Variants in FOXO1 observed in about 807,000 individuals in gnomAD.
The protein encoded by FOXO1 is forkhead box O1.
FOXO1 carries 6 observed loss-of-function variants against 44.1 expected under a neutral mutation model. The observed-to-expected ratio is 0.14, with a 90% CI of 0.07 to 0.27. FOXO1 has a LOEUF of 0.27. FOXO1 is among the 10% of genes least tolerant of loss of function. FOXO1 has a pLI of 1.00. For synonymous variants in FOXO1, 380 were observed against 362.7 expected (o/e 1.05, Z -0.54); for missense variants, 737 against 888.8 (o/e 0.83, Z 2.17).
At chr13:40,581,914 G>A (rs1270855745) in intron 1 of FOXO1, among the ~76,000 whole-genome samples, 2 of 152,134 alleles carry the variant, frequency 1.3e-5, no homozygotes, top group East Asian at 1.9e-4. Flanking sequence ...GCCAGGGTAC[G>A]GGCTTCTGGC....
At chr13:40,631,754 C>A (rs1876968508) in intron 1 of FOXO1, among the ~76,000 whole-genome samples, 1 of 152,022 alleles carries the variant, frequency 6.6e-6, no homozygotes, top group Non-Finnish European at 1.5e-5. Flanking sequence ...CTGTCAAAAG[C>A]CTGAAGAAGG....
intron 1 of FOXO1, among the ~76,000 whole-genome samples, chr13:40,649,773 A>C (rs2137931760): frequency 6.6e-6 from 1 of 152,356 alleles, no homozygotes; most frequent in African/African-American, 2.4e-5. Flanking sequence ...TGAGAAATTC[A>C]CCATAAATTA....
At chr13:40,568,781 A>G (rs912839081) in intron 1 of FOXO1, among the ~76,000 whole-genome samples, 1 of 151,996 alleles carries the variant, frequency 6.6e-6, no homozygotes, top group African/African-American at 2.4e-5. Context: ...GAGGTCTTAA[A>G]GCATCTCCAC....
intron 1 of FOXO1, among the ~76,000 whole-genome samples, chr13:40,590,979 A>G (rs971781918): frequency 2.6e-5 from 4 of 152,116 alleles, no homozygotes; most frequent in Non-Finnish European, 5.9e-5. Context: ...AAAGTATTGA[A>G]AAAGAAAAAC....
At chr13:40,603,058 C>A (rs1412941153) in intron 1 of FOXO1, among the ~76,000 whole-genome samples, 2 of 152,172 alleles carry the variant, frequency 1.3e-5, no homozygotes, top group African/African-American at 4.8e-5. Context: ...AGATCTCAAT[C>A]TGACAGAGCC....
At chr13:40,599,236 C>T (rs1175353105) in intron 1 of FOXO1, among the ~76,000 whole-genome samples, 2 of 151,282 alleles carry the variant, frequency 1.3e-5, no homozygotes, top group Non-Finnish European at 2.9e-5. Flanking sequence ...AAAAAGCTTC[C>T]AAGGTCTGTT....
At chr13:40,643,912 C>T (rs555451549) in intron 1 of FOXO1, among the ~76,000 whole-genome samples, 16 of 152,216 alleles carry the variant, frequency 1.1e-4, no homozygotes, top group South Asian at 4.1e-4. Flanking sequence ...TTACAGATGA[C>T]GATGCTAGTA....
intron 1 of FOXO1, among the ~76,000 whole-genome samples, chr13:40,585,295 C>T (rs923640797): frequency 6.6e-6 from 1 of 151,854 alleles, no homozygotes; most frequent in African/African-American, 2.4e-5. Flanking sequence ...CTGGAATTTT[C>T]CTCCCCCGCT....
intron 1 of FOXO1, among the ~76,000 whole-genome samples, chr13:40,660,287 A>G (rs1165802301): frequency 2.6e-5 from 4 of 152,034 alleles, no homozygotes; most frequent in African/African-American, 9.7e-5. Context: ...CCCAATCACT[A>G]TGTGGTATTT....
At chr13:40,599,974 A>C (rs972684083) in intron 1 of FOXO1, among the ~76,000 whole-genome samples, 1 of 152,184 alleles carries the variant, frequency 6.6e-6, no homozygotes, top group Non-Finnish European at 1.5e-5. Context: ...GAAATGATGA[A>C]ATGGTTCCAG....
At chr13:40,615,528 A>AATAC (rs56390235) in intron 1 of FOXO1, among the ~76,000 whole-genome samples, 7,917 of 139,738 alleles carry the variant, frequency 0.057, 276 homozygotes, top group African/African-American at 0.095. Context: ...CTCCATCTCA[A>AATAC]ATACATACAT....
chr13:40,619,849 C>A, intron 1 of FOXO1: 2 of 754,318 alleles, frequency 2.7e-6, no homozygotes, highest in African/African-American at 1.7e-5. Context: ...CTAACTCAGG[C>A]AAAGGGAGGC....
chr13:40,628,811 T>C (rs4943798), intron 1 of FOXO1, among the ~76,000 whole-genome samples: 62,908 of 152,060 alleles, frequency 0.41, 14,273 homozygotes, highest in East Asian at 0.73. Flanking sequence ...AACCTTCCTC[T>C]CCAGGTTGTC....
At chr13:40,586,931 T>A (rs913826679) in intron 1 of FOXO1, among the ~76,000 whole-genome samples, 3 of 152,198 alleles carry the variant, frequency 2.0e-5, no homozygotes, top group African/African-American at 7.2e-5. Flanking sequence ...CTAAAGTGTT[T>A]TTAAACTGAA....
intron 1 of FOXO1, among the ~76,000 whole-genome samples, chr13:40,641,057 T>C (rs1877334267): frequency 6.6e-6 from 1 of 152,226 alleles, no homozygotes; most frequent in Non-Finnish European, 1.5e-5. Context: ...GTGCTAGGAT[T>C]ACAGGCGTGA....
At chr13:40,607,799 C>T (rs1876067593) in intron 1 of FOXO1, among the ~76,000 whole-genome samples, 1 of 152,218 alleles carries the variant, frequency 6.6e-6, no homozygotes, top group Admixed American at 6.5e-5. Flanking sequence ...AACCTCAATT[C>T]TAGTGGTAGA....
rs533494902 is a variant in FOXO1 at position 40,624,987 on chromosome 13, CA to C, written c.630+40595del. Among the ~76,000 whole-genome samples the C allele has an allele frequency of 2.0e-3, 305 of 152,088 alleles. 4 individuals are homozygous for C. The highest frequency in any genetic ancestry group is 7.2e-3 in the African/African-American group (297 of 41,498). ...GGTTTTGGATGCTAGGTAAAAGTAA[CA>C]AAAAGTCTAGTAATATAAAAAGTTT... On this transcript the variant is annotated intron_variant, in intron 1 of 2. Transcript: ENST00000379561.
chr13:40,566,121 G>A (rs1449105606), intron 1 of FOXO1, among the ~76,000 whole-genome samples: 2 of 152,220 alleles, frequency 1.3e-5, no homozygotes, highest in Non-Finnish European at 2.9e-5. Context: ...GGGCCTCCGA[G>A]CTCTGGACAC....
intron 1 of FOXO1, among the ~76,000 whole-genome samples, chr13:40,608,038 T>C (rs1876085621): frequency 6.6e-6 from 1 of 152,090 alleles, no homozygotes; most frequent in African/African-American, 2.4e-5. Context: ...CGGTCCAACA[T>C]CCATATGAAA....
Sources: gnomAD v4.1 joint callset for allele counts (sites outside exome capture counted in the v4.1 genomes callset) on GRCh38, gnomAD v4.1.1 for gene constraint, MANE v1.5 for transcripts, NCBI Gene and HGNC (gene_info 2026-07-23, HGNC 2026-07-21) for gene names.